Variants in RNF145 observed in about 807,000 individuals in gnomAD.
The protein encoded by RNF145 is ring finger protein 145.
A neutral mutation model predicts 57.3 loss-of-function variants in RNF145; 12 were observed. The ratio of observed to expected loss-of-function variants is 0.21; its 90% confidence interval spans 0.13 to 0.34. The LOEUF is 0.34. RNF145 is among the 10% of genes least tolerant of loss of function. The pLI is 1.00. For synonymous variants in RNF145, 262 were observed against 288.3 expected, an observed-to-expected ratio of 0.91 and a Z score of 0.92; for missense variants, 429 against 799.0, an observed-to-expected ratio of 0.54 and a Z score of 5.58.
At chr5:159,170,133 A>C (rs1430029167) in intron 6 of RNF145, among the ~76,000 whole-genome samples, 3 of 152,238 alleles carry the variant, frequency 2.0e-5, no homozygotes, top group Non-Finnish European at 2.9e-5. Flanking sequence ...TAGCATGCTG[A>C]CAAGTATTCA....
At chr5:159,191,830 A>G (rs1785299292) in intron 3 of RNF145, among the ~76,000 whole-genome samples, 1 of 152,236 alleles carries the variant, frequency 6.6e-6, no homozygotes, top group South Asian at 2.1e-4. Flanking sequence ...AAACATTAGA[A>G]AAAGTCATTT....
intron 3 of RNF145, among the ~76,000 whole-genome samples, chr5:159,188,628 T>C (rs1785173668): frequency 6.6e-6 from 1 of 152,160 alleles, no homozygotes; most frequent in African/African-American, 2.4e-5. Flanking sequence ...GTTTAGTAAT[T>C]TTAAAAATTT....
At chr5:159,208,591 T>C (rs142662191) in intron 1 of RNF145, among the ~76,000 whole-genome samples, 1 of 151,868 alleles carries the variant, frequency 6.6e-6, no homozygotes, top group Non-Finnish European at 1.5e-5. Context: ...CCTCGAAAAA[T>C]GGACTGGCAG....
chr5:159,169,052 G>C lies in RNF145; in HGVS notation c.942C>G (p.Gly314=), dbSNP rs141443463. ...TTAACAGCGTTACTCCTTCTGTCAT[G>C]CCCCTAAAAAAAGCATACATTTTCA... ...AFMNDPAMNR[G]MTEGVTLLIL... Residue 314 remains glycine, a synonymous_variant, in exon 8 of 11, where the codon GGC becomes GGG. Transcript: ENST00000424310. 2.1e-4 allele frequency: 323 copies of C among 1,539,584 alleles called. 1 individual carries two copies. Among genetic ancestry groups the C allele is most frequent in the Non-Finnish European group, 3.2e-5 (37 of 1,149,920 alleles).
intron 10 of RNF145, 164 bp downstream of exon 10, chr5:159,161,102 T>C: frequency 1.9e-6 from 1 of 535,046 alleles, no homozygotes; most frequent in Non-Finnish European, 3.3e-6. Flanking sequence ...AGAAATAAAA[T>C]GGAAATATTT....
At chr5:159,161,217 G>T in intron 10 of RNF145, 49 bp downstream of exon 10, 2 of 1,208,248 alleles carry the variant, frequency 1.7e-6, no homozygotes, top group Non-Finnish European at 2.4e-6. Context: ...ACAGTCCCAA[G>T]GGATACACTG....
At chr5:159,172,318 TA>T (rs1411302711) in intron 6 of RNF145, among the ~76,000 whole-genome samples, 1 of 152,074 alleles carries the variant, frequency 6.6e-6, no homozygotes, top group African/African-American at 2.4e-5. Flanking sequence ...TGGTCTCTAC[TA>T]ATAATATAAA....
Position 159,161,623 on chromosome 5 carries a change from C to CT in RNF145, c.1270-2dup. 3 of 1,379,072 alleles carry CT rather than the reference C, an allele frequency of 2.2e-6. No individual in the cohort carries two copies. Among genetic ancestry groups the CT allele is most frequent in the South Asian group, 1.3e-5 (1 of 77,818 alleles). The allele number at this position is 1,379,072 out of a possible 1,614,324, so 85.4% of individuals were successfully genotyped here. On this transcript the variant is annotated splice_acceptor_variant, in intron 9 of 10. Coordinates refer to ENST00000424310, the MANE Select transcript of RNF145 (RefSeq NM_001199383.2). LOFTEE classifies it high-confidence loss of function. ...CATAAATAAAAAGTGTTCCCAGAAC[C>CT]TGAAAAAAAAAAAAAAATGTACGTA...
chr5:159,188,728 A>G (rs1325986967), intron 3 of RNF145, among the ~76,000 whole-genome samples: 1 of 152,216 alleles, frequency 6.6e-6, no homozygotes, highest in Non-Finnish European at 1.5e-5. Flanking sequence ...TGAATCTCTG[A>G]CATTTAATTC....
intron 4 of RNF145, among the ~76,000 whole-genome samples, chr5:159,178,539 T>C (rs1056323266): frequency 6.6e-6 from 1 of 152,092 alleles, no homozygotes; most frequent in Admixed American, 6.6e-5. Flanking sequence ...TAATTAATCA[T>C]ATTCTCTCAC....
chr5:159,182,682 C>T (rs1784931577), intron 3 of RNF145, among the ~76,000 whole-genome samples: 1 of 152,076 alleles, frequency 6.6e-6, no homozygotes, highest in Non-Finnish European at 1.5e-5. Context: ...TAACGTGTGA[C>T]TACTGAGAAA....
Position 159,183,537 on chromosome 5 carries a change from C to T in RNF145, c.294-1486G>A, listed in dbSNP as rs535760948. 1.0e-3 allele frequency among the ~76,000 whole-genome samples: 152 copies of T among 151,528 alleles called. 3 individuals carry two copies. Among genetic ancestry groups the T allele is most frequent in the Non-Finnish European group, 1.6e-3 (111 of 67,868 alleles). ...ATAAATATCTGATTACTATAGGTAA[C>T]CATCAATGGAATTATATAGTTAGAA... On this transcript the variant is annotated intron_variant, in intron 3 of 10. Coordinates refer to ENST00000424310, the MANE Select transcript of RNF145 (RefSeq NM_001199383.2).
At chr5:159,184,612 AACT>A (rs919623723) in intron 3 of RNF145, among the ~76,000 whole-genome samples, 8 of 152,180 alleles carry the variant, frequency 5.3e-5, no homozygotes, top group African/African-American at 1.9e-4. Context: ...CATATTTAAA[AACT>A]ACATCTTTTA....
At chr5:159,172,791 C>T (rs1784598979) in intron 6 of RNF145, among the ~76,000 whole-genome samples, 1 of 152,156 alleles carries the variant, frequency 6.6e-6, no homozygotes, top group Admixed American at 6.5e-5. Context: ...TCTTAAATTT[C>T]TCATAGCCTA....
At chr5:159,206,882 C>T (rs1785906125) in intron 1 of RNF145, among the ~76,000 whole-genome samples, 1 of 151,306 alleles carries the variant, frequency 6.6e-6, no homozygotes, top group African/African-American at 2.4e-5. Context: ...AAGTAATATC[C>T]AACATGATGT....
chr5:159,165,467 G>A (rs1784360999), intron 8 of RNF145, among the ~76,000 whole-genome samples: 1 of 58,824 alleles, frequency 1.7e-5, no homozygotes, highest in African/African-American at 1.6e-4. Flanking sequence ...CGGATCACGA[G>A]GTCAGGAGAT....
At chr5:159,192,532 A>C (rs1785321611) in intron 3 of RNF145, among the ~76,000 whole-genome samples, 1 of 152,244 alleles carries the variant, frequency 6.6e-6, no homozygotes, top group Non-Finnish European at 1.5e-5. Flanking sequence ...GGCTATACAT[A>C]AAATACCATG....
chr5:159,176,207 G>T (rs1198214193), intron 5 of RNF145, among the ~76,000 whole-genome samples: 1 of 152,036 alleles, frequency 6.6e-6, no homozygotes, highest in Non-Finnish European at 1.5e-5. Context: ...TGACTTATAG[G>T]TATTCAATTC....
chr5:159,187,404 T>C (rs147645916), intron 3 of RNF145, among the ~76,000 whole-genome samples: 1,849 of 151,984 alleles, frequency 0.012, 20 homozygotes, highest in South Asian at 0.028. Flanking sequence ...CTCAGCTCAC[T>C]GCAACCTCTG....
Sources: gnomAD v4.1 joint callset for allele counts (sites outside exome capture counted in the v4.1 genomes callset) on GRCh38, gnomAD v4.1.1 for gene constraint, MANE v1.5 for transcripts, NCBI Gene and HGNC (gene_info 2026-07-23, HGNC 2026-07-21) for gene names.